FHIT: variants seen among roughly 807,000 people sequenced by gnomAD.
The protein encoded by FHIT is fragile histidine triad diadenosine triphosphatase.
In FHIT, 19 loss-of-function variants were observed where a neutral mutation model predicts 17.9. The ratio of observed to expected loss-of-function variants is 1.06; its 90% CI spans 0.74 to 1.56. The LOEUF (loss-of-function observed/expected upper bound fraction) is 1.56, where lower values mean the gene tolerates loss of function less well. FHIT is among the 40% of genes most tolerant of loss of function. The pLI is 0.00. For synonymous variants in FHIT, 81 were observed against 69.7 expected (o/e 1.16, Z -0.81); for missense variants, 248 against 189.2 (o/e 1.31, Z -1.82).
At chr3:60,864,116 A>G (rs1553753321) in intron 3 of FHIT, among the ~76,000 whole-genome samples, 1 of 151,956 alleles carries the variant, frequency 6.6e-6, no homozygotes, top group Non-Finnish European at 1.5e-5. Flanking sequence ...AAACCATCAG[A>G]TCTCATGAGA....
chr3:59,937,335 T>C (rs1037158311), intron 7 of FHIT, among the ~76,000 whole-genome samples: 6 of 152,158 alleles, frequency 3.9e-5, no homozygotes, highest in Non-Finnish European at 5.9e-5. Context: ...CAAAGGACCC[T>C]TCACAGTGTG....
At chr3:60,672,906 T>TGTGC (rs1454491586) in intron 4 of FHIT, among the ~76,000 whole-genome samples, 5 of 151,462 alleles carry the variant, frequency 3.3e-5, no homozygotes, top group South Asian at 2.1e-4. Flanking sequence ...TGTGTGTGTG[T>TGTGC]GCATGCATGC....
At chr3:60,700,389 A>C (rs960500703) in intron 4 of FHIT, among the ~76,000 whole-genome samples, 1 of 152,334 alleles carries the variant, frequency 6.6e-6, no homozygotes, top group South Asian at 2.1e-4. Flanking sequence ...AAATGATTAG[A>C]TGCTGCCATA....
intron 2 of FHIT, among the ~76,000 whole-genome samples, chr3:61,200,387 G>A (rs959550397): frequency 6.6e-6 from 1 of 152,204 alleles, no homozygotes; most frequent in Non-Finnish European, 1.5e-5. Flanking sequence ...GAAAGCAAAA[G>A]TCAGCAAGCA....
At chr3:61,005,183 T>C (rs2031362037) in intron 3 of FHIT, among the ~76,000 whole-genome samples, 1 of 152,248 alleles carries the variant, frequency 6.6e-6, no homozygotes, top group Non-Finnish European at 1.5e-5. Context: ...CTATAATTAT[T>C]GCTTATAATT....
At chr3:59,856,938 T>C (rs560490874) in intron 8 of FHIT, among the ~76,000 whole-genome samples, 12 of 152,086 alleles carry the variant, frequency 7.9e-5, no homozygotes, top group African/African-American at 2.9e-4. Flanking sequence ...TATGCTCAAT[T>C]AGTGAATAAA....
At chr3:60,333,792 C>G (rs1710105603) in intron 5 of FHIT, among the ~76,000 whole-genome samples, 1 of 152,128 alleles carries the variant, frequency 6.6e-6, no homozygotes, top group Non-Finnish European at 1.5e-5. Context: ...TCTCAAGAAA[C>G]CAACCGTCAG....
intron 2 of FHIT, among the ~76,000 whole-genome samples, chr3:61,099,480 G>A (rs1438265397): frequency 1.3e-5 from 2 of 152,256 alleles, no homozygotes; most frequent in South Asian, 2.1e-4. Flanking sequence ...AATAGCTTCA[G>A]CAGGAATGCT....
chr3:60,165,969 C>A (rs571371259), intron 5 of FHIT, among the ~76,000 whole-genome samples: 2 of 151,832 alleles, frequency 1.3e-5, no homozygotes, highest in Non-Finnish European at 2.9e-5. Flanking sequence ...TACAAAAATG[C>A]CTCCTTTGCT....
At chr3:60,546,086 G>C (rs1038323795) in intron 4 of FHIT, among the ~76,000 whole-genome samples, 1 of 151,052 alleles carries the variant, frequency 6.6e-6, no homozygotes, top group Non-Finnish European at 1.5e-5. Flanking sequence ...TTACATTAGC[G>C]TGTGTTCTCT....
At chr3:60,315,993 T>C (rs779261822) in intron 5 of FHIT, among the ~76,000 whole-genome samples, 8 of 152,216 alleles carry the variant, frequency 5.3e-5, no homozygotes, top group Non-Finnish European at 1.0e-4. Context: ...TGTCCTTCCA[T>C]ATTGACCTTT....
chr3:59,847,237 T>A lies in FHIT; in HGVS notation c.348+75109A>T, dbSNP rs564576543. Among the ~76,000 whole-genome samples the A allele has an allele frequency of 1.3e-5, 2 of 152,294 alleles. 1 individual carries two copies. The highest frequency in any genetic ancestry group is 4.1e-4 in the South Asian group (2 of 4,830). ...GCATACGTTGGTTCACTTGATGGTG[T>A]ACCACAGGTCCCTTAGGCTCTGTTC... On this transcript the variant is annotated intron_variant, in intron 8 of 9. Coordinates refer to ENST00000492590, the MANE Select transcript of FHIT (RefSeq NM_002012.4).
chr3:60,099,736 T>C (rs1449430214), intron 5 of FHIT, among the ~76,000 whole-genome samples: 1 of 152,184 alleles, frequency 6.6e-6, no homozygotes, highest in Admixed American at 6.5e-5. Context: ...TTTTGACTTT[T>C]TAATGGTTTA....
chr3:60,306,509 G>C (rs1384498710), intron 5 of FHIT, among the ~76,000 whole-genome samples: 1 of 152,122 alleles, frequency 6.6e-6, no homozygotes, highest in African/African-American at 2.4e-5. Flanking sequence ...ATTCTGACAC[G>C]AATTACTAAG....
At chr3:60,722,962 T>C (rs1321424180) in intron 4 of FHIT, among the ~76,000 whole-genome samples, 1 of 152,016 alleles carries the variant, frequency 6.6e-6, no homozygotes, top group Non-Finnish European at 1.5e-5. Flanking sequence ...CTCAAGTGAT[T>C]TGCCCGCCTC....
At chr3:61,102,347 T>A (rs1446127411) in intron 2 of FHIT, among the ~76,000 whole-genome samples, 1 of 152,208 alleles carries the variant, frequency 6.6e-6, no homozygotes, top group Admixed American at 6.5e-5. Context: ...GTTTATGTGA[T>A]GGATTACGTT....
chr3:60,025,927 T>C (rs1241476164), intron 5 of FHIT, among the ~76,000 whole-genome samples: 1 of 152,192 alleles, frequency 6.6e-6, no homozygotes, highest in East Asian at 1.9e-4. Flanking sequence ...TGAACTGTAC[T>C]GCCAGAGTGT....
intron 4 of FHIT, among the ~76,000 whole-genome samples, chr3:60,673,747 T>C (rs1441206726): frequency 6.6e-6 from 1 of 152,214 alleles, no homozygotes; most frequent in African/African-American, 2.4e-5. Context: ...CTGGCTTGAA[T>C]AGTTTTTATT....
At chr3:60,242,892 T>C (rs765498341) in intron 5 of FHIT, among the ~76,000 whole-genome samples, 21 of 152,064 alleles carry the variant, frequency 1.4e-4, no homozygotes, top group Middle Eastern at 3.4e-3. Context: ...AGCTTCTCCA[T>C]CTCCTTGCTT....
Sources: allele counts gnomAD v4.1 joint callset (sites outside exome capture counted in the v4.1 genomes callset), GRCh38; gene constraint gnomAD v4.1.1; transcripts MANE v1.5; gene names NCBI Gene and HGNC (gene_info 2026-07-23, HGNC 2026-07-21).